ATP2B2: variants seen among roughly 807,000 people sequenced by gnomAD.
ATP2B2 encodes ATPase plasma membrane Ca2+ transporting 2.
Under a neutral mutation model 120.0 loss-of-function variants are expected in ATP2B2, and 15 were observed. The observed-to-expected ratio is 0.12, with a 90% CI of 0.08 to 0.19. ATP2B2 has a LOEUF of 0.19. ATP2B2 is among the 10% of genes least tolerant of loss of function. The pLI is 1.00. For synonymous variants in ATP2B2, 694 were observed against 700.3 expected (o/e 0.99, Z 0.14); for missense variants, 1,045 against 1,719.8 (o/e 0.61, Z 6.94).
chr3:10,627,554 G>A (rs891267722), intron 1 of ATP2B2, among the ~76,000 whole-genome samples: 4 of 152,096 alleles, frequency 2.6e-5, no homozygotes, highest in Admixed American at 6.5e-5. Flanking sequence ...CAGCCTCTCT[G>A]AGCCTCATCA....
intron 3 of ATP2B2, among the ~76,000 whole-genome samples, chr3:10,533,797 C>G (rs919472352): frequency 6.6e-6 from 1 of 152,128 alleles, no homozygotes; most frequent in African/African-American, 2.4e-5. Context: ...CATGATGGGG[C>G]CTTCCTCCTC....
At chr3:10,676,801 C>T (rs2071257319) in intron 1 of ATP2B2, among the ~76,000 whole-genome samples, 1 of 152,144 alleles carries the variant, frequency 6.6e-6, no homozygotes, top group Admixed American at 6.5e-5. Flanking sequence ...CACCTGAATC[C>T]AAAATAAAGG....
At chr3:10,467,018 C>A (rs2125260706) in intron 1 of ATP2B2, among the ~76,000 whole-genome samples, 1 of 152,344 alleles carries the variant, frequency 6.6e-6, no homozygotes, top group East Asian at 1.9e-4. Context: ...ACCTTCTTCT[C>A]TTTTTGGCCT....
Position 10,328,890 on chromosome 3 carries a change from A to G in ATP2B2, c.3656T>C (p.Leu1219Pro). 6.2e-7 allele frequency: 1 copy of G among 1,613,910 alleles called. No individual in the cohort carries two copies. The highest frequency in any genetic ancestry group is 8.5e-7 in the Non-Finnish European group (1 of 1,179,982). ...NNSAIDSGIN[L>P]TTDTSKSATS... Reference sequence around the variant, plus strand: ...AGCTGATTTGCTTGTGTCGGTCGTCAGGTTGATCCCACTGTCGATGGCGCT... The same window carrying G: ...AGCTGATTTGCTTGTGTCGGTCGTCGGGTTGATCCCACTGTCGATGGCGCT... Residue 1219 changes from leucine (L) to proline (P), a missense_variant, in exon 23 of 23, where the codon CTG becomes CCG. Around this residue, in one of 11 missense-constraint regions of ATP2B2, gnomAD observed 211 missense variants for 385.1 expected, o/e 0.55. Coordinates refer to ENST00000360273, the MANE Select transcript of ATP2B2 (RefSeq NM_001001331.4).
At chr3:10,337,225 G>A (rs2060142192) in intron 22 of ATP2B2, among the ~76,000 whole-genome samples, 1 of 152,232 alleles carries the variant, frequency 6.6e-6, no homozygotes, top group African/African-American at 2.4e-5. Flanking sequence ...GTACAGAGGG[G>A]TGGGAGGTGA....
intron 3 of ATP2B2, among the ~76,000 whole-genome samples, chr3:10,532,232 G>A (rs967065452): frequency 1.3e-5 from 2 of 152,164 alleles, no homozygotes; most frequent in Admixed American, 6.5e-5. Flanking sequence ...GAGGCCAGGG[G>A]TCTCTTTGTC....
At chr3:10,570,863 G>A (rs1464916770) in intron 2 of ATP2B2, among the ~76,000 whole-genome samples, 2 of 152,196 alleles carry the variant, frequency 1.3e-5, no homozygotes, top group Non-Finnish European at 2.9e-5. Flanking sequence ...CCTCCTCACT[G>A]CCATGCCCCG....
chr3:10,375,255 A>T lies in ATP2B2; in HGVS notation c.1416+175T>A, dbSNP rs975181557. ...TCTCTGGTTTGCTACAGGCCCCTGGACTCTATGAAAGCGTCAGAGTTTTGG... is the reference window on the plus strand; with the variant it reads ...TCTCTGGTTTGCTACAGGCCCCTGGTCTCTATGAAAGCGTCAGAGTTTTGG... On this transcript the variant is annotated intron_variant, in intron 11 of 22. Transcript: ENST00000360273. This position sits in a 1 kb window ranked among gnomAD's most constrained non-coding sequence, Gnocchi z 4.2. Among the ~76,000 whole-genome samples the T allele has an allele frequency of 2.0e-5, 3 of 151,956 alleles. No homozygotes were observed. The highest frequency in any genetic ancestry group is 2.9e-5 in the Non-Finnish European group (2 of 67,994).
rs75645362 is a variant in ATP2B2 at position 10,415,296 on chromosome 3, T to C, written c.200-4481A>G. Among the ~76,000 whole-genome samples, 1,210 of 152,334 alleles carry C rather than the reference T, an allele frequency of 7.9e-3. 2 individuals are homozygous for C. Among genetic ancestry groups the C allele is most frequent in the Non-Finnish European group, 0.014 (960 of 68,022 alleles). On this transcript the variant is annotated intron_variant, in intron 2 of 22. Coordinates refer to ENST00000360273, the MANE Select transcript of ATP2B2 (RefSeq NM_001001331.4). ...CCGGGTAGATGTACTGTGTCATTAT[T>C]ACCGCCCAGTTTTTAGGCCAGGTGG...
At chr3:10,406,229 G>C (rs542516836) in intron 3 of ATP2B2, among the ~76,000 whole-genome samples, 14 of 152,360 alleles carry the variant, frequency 9.2e-5, no homozygotes, top group African/African-American at 3.1e-4. Flanking sequence ...TCCAGCCCAG[G>C]CTGGCCCAGC....
chr3:10,517,672 C>T (rs1387870337), intron 3 of ATP2B2, among the ~76,000 whole-genome samples: 2 of 152,186 alleles, frequency 1.3e-5, no homozygotes, highest in Non-Finnish European at 2.9e-5. Flanking sequence ...TCCGTGCAAC[C>T]CCACTGGAGA....
At chr3:10,697,216 C>T (rs1174550039) in intron 1 of ATP2B2, among the ~76,000 whole-genome samples, 1 of 152,146 alleles carries the variant, frequency 6.6e-6, no homozygotes, top group Admixed American at 6.5e-5. Context: ...TTGTCAGTTT[C>T]CAGGCTTCCC....
At chr3:10,703,026 G>C (rs2071842123) in intron 1 of ATP2B2, among the ~76,000 whole-genome samples, 1 of 152,122 alleles carries the variant, frequency 6.6e-6, no homozygotes, top group Non-Finnish European at 1.5e-5. Context: ...CCTGTGAAAT[G>C]CCCAGCCTTA....
intron 1 of ATP2B2, among the ~76,000 whole-genome samples, chr3:10,493,469 G>A (rs2066012675): frequency 6.6e-6 from 1 of 152,180 alleles, no homozygotes; most frequent in South Asian, 2.1e-4. Context: ...GAGGGGTGGG[G>A]AATGAGGGTC....
At chr3:10,491,613 T>TA (rs2065938979) in intron 1 of ATP2B2, among the ~76,000 whole-genome samples, 1 of 152,194 alleles carries the variant, frequency 6.6e-6, no homozygotes. Flanking sequence ...CCTTGTCATC[T>TA]ACACGGGCTT....
chr3:10,346,135 T>C lies in ATP2B2; in HGVS notation c.2407A>G (p.Ile803Val). Residue 803 changes from isoleucine (I) to valine (V), a missense_variant and splice_region_variant, in exon 17 of 23, where the codon ATC becomes GTC. By Grantham distance (29) the Ile-to-Val change is conservative. Coordinates refer to ENST00000360273, the MANE Select transcript of ATP2B2 (RefSeq NM_001001331.4). The surrounding 1 kb of genome is among the most constrained non-coding windows in gnomAD (Gnocchi z 4.1). Reference protein sequence around the residue: ...PTDKHTLVKGIIDSTHTEQRQ... With the variant: ...PTDKHTLVKGVIDSTHTEQRQ... ...TGCTCAGTGTGTGTGCTGTCGATGATGCCTGTTGGGGCAGGAGTGTGCTCA... is the reference window on the plus strand; with the variant it reads ...TGCTCAGTGTGTGTGCTGTCGATGACGCCTGTTGGGGCAGGAGTGTGCTCA... The C allele has an allele frequency of 6.2e-7, 1 of 1,610,310 alleles. No homozygotes were observed. Among genetic ancestry groups the C allele is most frequent in the Non-Finnish European group, 8.5e-7 (1 of 1,179,918 alleles).
At chr3:10,388,763 G>C (rs1242411134) in intron 5 of ATP2B2, among the ~76,000 whole-genome samples, 1 of 152,144 alleles carries the variant, frequency 6.6e-6, no homozygotes, top group Non-Finnish European at 1.5e-5. Flanking sequence ...CAGTGTCCAT[G>C]ATGCCACTAC....
intron 2 of ATP2B2, among the ~76,000 whole-genome samples, chr3:10,441,741 A>G (rs2063674144): frequency 6.6e-6 from 1 of 152,150 alleles, no homozygotes. Context: ...CATAACATAT[A>G]TTTGTCCAAT....
chr3:10,694,719 T>G (rs1264628783), intron 1 of ATP2B2, among the ~76,000 whole-genome samples: 1 of 152,186 alleles, frequency 6.6e-6, no homozygotes, highest in Non-Finnish European at 1.5e-5. Flanking sequence ...AATTGATCAC[T>G]CATTGTTTGG....
Sources: allele counts gnomAD v4.1 joint callset (sites outside exome capture counted in the v4.1 genomes callset), GRCh38; gene constraint gnomAD v4.1.1; regional missense constraint gnomAD v4.1.1; non-coding constraint Gnocchi (gnomAD v3.1); transcripts MANE v1.5; gene names NCBI Gene and HGNC (gene_info 2026-07-23, HGNC 2026-07-21).